The following CORO1C variants were observed in gnomAD, a reference collection of about 807,000 sequenced individuals.
CORO1C encodes the protein coronin-1C.
Under a neutral mutation model 51.2 loss-of-function variants are expected in CORO1C, and 14 were observed. The observed-to-expected ratio is 0.27, with a 90% CI of 0.18 to 0.43. The LOEUF is 0.43. CORO1C is among the 20% of genes least tolerant of loss of function. The pLI is 1.00. For missense variants in CORO1C, 417 were observed against 607.8 expected (o/e 0.69, Z 3.30); for synonymous variants, 181 against 210.5 (o/e 0.86, Z 1.21).
chr12:108,652,117 G>C (rs934941015), intron 8 of CORO1C, 155 bp downstream of exon 8: 5 of 317,114 alleles, frequency 1.6e-5, no homozygotes, highest in Non-Finnish European at 2.8e-5. Flanking sequence ...GATATCCTTA[G>C]AAAGTGCCAT....
At chr12:108,702,843 T>C (rs2034917117) in intron 1 of CORO1C, 1 of 1,535,512 alleles carries the variant, frequency 6.5e-7, no homozygotes. Flanking sequence ...GCTGGGGGCA[T>C]GTAGCCGGGC....
rs1161542634 is a variant in CORO1C at position 108,652,429 on chromosome 12, C to T, written c.856-12G>A. The T allele has an allele frequency of 1.2e-6, 2 of 1,610,790 alleles. No individual in the cohort carries two copies. Among genetic ancestry groups the T allele is most frequent in the Admixed American group, 1.7e-5 (1 of 59,890 alleles). ...ATACTGCTGTCACCCTGTAAGAAAC[C>T]AGAGACAAGTCTGTGTCTGATTGTT... On this transcript the variant is annotated splice_polypyrimidine_tract_variant and intron_variant, in intron 7 of 10. Transcript: ENST00000261401.
chr12:108,716,965 C>T (rs996616488), intron 1 of CORO1C, among the ~76,000 whole-genome samples: 2 of 152,242 alleles, frequency 1.3e-5, no homozygotes, highest in Non-Finnish European at 2.9e-5. Flanking sequence ...GCAAGCAGAC[C>T]TGGCCCCTGC....
intron 3 of CORO1C, among the ~76,000 whole-genome samples, chr12:108,671,333 A>G (rs1274241192): frequency 6.6e-6 from 1 of 152,082 alleles, no homozygotes; most frequent in African/African-American, 2.4e-5. Flanking sequence ...TCAAAAAAAG[A>G]AAGAAAAGGA....
At chr12:108,729,624 C>T (rs2035669741) in intron 1 of CORO1C, among the ~76,000 whole-genome samples, 1 of 152,158 alleles carries the variant, frequency 6.6e-6, no homozygotes, top group Admixed American at 6.5e-5. Context: ...CTTATTTATG[C>T]GATTTCTCAG....
intron 3 of CORO1C, among the ~76,000 whole-genome samples, chr12:108,670,600 G>A (rs1396699116): frequency 6.6e-6 from 1 of 152,112 alleles, no homozygotes; most frequent in African/African-American, 2.4e-5. Context: ...GTCAGAGAGG[G>A]AGTTCTGTGA....
Position 108,658,167 on chromosome 12 carries a change from T to C in CORO1C, c.630+571A>G, listed in dbSNP as rs1861641. Among the ~76,000 whole-genome samples the C allele has an allele frequency of 0.56, 85,684 of 152,076 alleles. 24,977 individuals are homozygous for C. Among genetic ancestry groups the C allele is most frequent in the East Asian group, 0.99 (5,149 of 5,188 alleles). ...TAAGACACTGAGCTGATGAGAGAACTTGTTGCTTTTCGCCCTGCGCATTTA... is the reference window on the plus strand; with the variant it reads ...TAAGACACTGAGCTGATGAGAGAACCTGTTGCTTTTCGCCCTGCGCATTTA... On this transcript the variant is annotated intron_variant, in intron 5 of 10. Coordinates refer to ENST00000261401, the MANE Select transcript of CORO1C (RefSeq NM_014325.4). The surrounding 1 kb of genome is among the most constrained non-coding windows in gnomAD (Gnocchi z 4.9).
chr12:108,691,983 G>A (rs2034512830), intron 2 of CORO1C, among the ~76,000 whole-genome samples: 1 of 152,156 alleles, frequency 6.6e-6, no homozygotes, highest in African/African-American at 2.4e-5. Flanking sequence ...GGGGTGAGCA[G>A]GGTGCCCACC....
At chr12:108,702,735 A>G (rs1182532382) in intron 1 of CORO1C, 2 of 1,420,762 alleles carry the variant, frequency 1.4e-6, no homozygotes, top group Admixed American at 2.8e-5. Context: ...TCCCTTCCTC[A>G]TGGCCCTGAG....
At chr12:108,700,055 C>CA (rs2034817141) in intron 2 of CORO1C, among the ~76,000 whole-genome samples, 1 of 152,160 alleles carries the variant, frequency 6.6e-6, no homozygotes, top group African/African-American at 2.4e-5. Context: ...CAATGGGAAA[C>CA]AACCCTCTGA....
chr12:108,713,525 T>C (rs1447530082), intron 1 of CORO1C, among the ~76,000 whole-genome samples: 1 of 152,244 alleles, frequency 6.6e-6, no homozygotes, highest in Non-Finnish European at 1.5e-5. Flanking sequence ...TCATTTAGTT[T>C]TTAAAGTTTC....
At chr12:108,670,632 C>T (rs760954838) in intron 3 of CORO1C, among the ~76,000 whole-genome samples, 1 of 151,786 alleles carries the variant, frequency 6.6e-6, no homozygotes, top group African/African-American at 2.4e-5. Context: ...CTATCTGAAC[C>T]AAGCCACCAT....
At position 108,714,250 on chromosome 12, in the gene CORO1C, G is replaced by A. The variant is rs143487064; in HGVS notation, c.-5-12927C>T. 5.9e-5 allele frequency among the ~76,000 whole-genome samples: 9 copies of A among 152,058 alleles called. No individual in the cohort carries two copies. In the East Asian group the frequency reaches 1.5e-3, roughly 26 times the overall value. ...CTAAAAATACAAAAATTAGCAGGGC[G>A]TGGTGGCGCACAACTGTAGTCCCAG... On this transcript the variant is annotated intron_variant, in intron 1 of 10. Coordinates refer to ENST00000261401, the MANE Select transcript of CORO1C (RefSeq NM_014325.4).
rs1033970362 is a variant in CORO1C at position 108,649,027 on chromosome 12, A to C, written c.1002-7T>G. The C allele has an allele frequency of 2.0e-5, 32 of 1,614,064 alleles. No individual in the cohort carries two copies. The highest frequency in any genetic ancestry group is 2.5e-5 in the Non-Finnish European group (30 of 1,180,004). ...CTCATGAAGTTTGAAGAATCTTCAGAGGGGAAATAAAGGCAAAGTTGCATT... is the reference window on the plus strand; with the variant it reads ...CTCATGAAGTTTGAAGAATCTTCAGCGGGGAAATAAAGGCAAAGTTGCATT... On this transcript the variant is annotated splice_region_variant and splice_polypyrimidine_tract_variant and intron_variant, in intron 8 of 10. Transcript: ENST00000261401.
At position 108,646,211 on chromosome 12, in the gene CORO1C, G is replaced by A. The variant is rs1302393905; in HGVS notation, c.*1192C>T. On this transcript the variant is annotated 3_prime_UTR_variant, in exon 11 of 11. Coordinates refer to ENST00000261401, the MANE Select transcript of CORO1C (RefSeq NM_014325.4). ...GAGCTAAAAGGCAGGAAGGAAAGAA[G>A]GAATGGCTGGGGGAGCCCTGAGAGA... is the stretch of plus-strand genomic sequence containing the variant. 6.6e-6 allele frequency: 1 copy of A among 152,374 alleles called. No individual in the cohort carries two copies. The highest frequency in any genetic ancestry group is 1.5e-5 in the Non-Finnish European group (1 of 68,168). 9.4% of individuals were successfully genotyped at this position (152,374 alleles called of 1,614,324 possible).
At chr12:108,726,416 G>T (rs2035593308) in intron 1 of CORO1C, among the ~76,000 whole-genome samples, 1 of 148,844 alleles carries the variant, frequency 6.7e-6, no homozygotes, top group South Asian at 2.1e-4. Flanking sequence ...GACAGAGTGA[G>T]ACTCTGTCTC....
At chr12:108,696,645 T>A (rs1221602636) in intron 2 of CORO1C, among the ~76,000 whole-genome samples, 1 of 152,140 alleles carries the variant, frequency 6.6e-6, no homozygotes, top group Non-Finnish European at 1.5e-5. Flanking sequence ...AAAAAAGTAT[T>A]CCTCATAGCC....
intron 1 of CORO1C, among the ~76,000 whole-genome samples, chr12:108,725,144 C>G (rs2035557809): frequency 1.3e-5 from 2 of 152,134 alleles, no homozygotes; most frequent in South Asian, 4.1e-4. Context: ...CAGACAGATG[C>G]AAAAACACTG....
At chr12:108,681,388 A>C (rs112041936) in intron 2 of CORO1C, among the ~76,000 whole-genome samples, 21 of 152,368 alleles carry the variant, frequency 1.4e-4, no homozygotes, top group Non-Finnish European at 1.2e-4. Context: ...AAGTGAAAAC[A>C]AATTCTTATC....
Sources: gnomAD v4.1 joint callset for allele counts (sites outside exome capture counted in the v4.1 genomes callset) on GRCh38, gnomAD v4.1.1 for gene constraint, Gnocchi (gnomAD v3.1) non-coding constraint, MANE v1.5 for transcripts, NCBI Gene and HGNC (gene_info 2026-07-23, HGNC 2026-07-21) for gene names.